LRIG1: variants seen among roughly 807,000 people sequenced by gnomAD.
The protein encoded by LRIG1 is leucine-rich repeats and immunoglobulin-like domains protein 1.
LRIG1 carries 48 observed loss-of-function variants against 99.2 expected under a neutral mutation model. The observed-to-expected ratio is 0.48, with a 90% CI of 0.38 to 0.62. The LOEUF (loss-of-function observed/expected upper bound fraction) is 0.62. Ranked by LOEUF, LRIG1 falls within the 20% of genes least tolerant of loss-of-function variation. The pLI is 0.00. For missense variants in LRIG1, 1,646 were observed against 1,434.4 expected, an observed-to-expected ratio of 1.15 and a Z score of -2.38; for synonymous variants, 772 against 596.1, an observed-to-expected ratio of 1.29 and a Z score of -4.30.
chr3:66,428,472 A>G (rs564091218), intron 3 of LRIG1, among the ~76,000 whole-genome samples: 9 of 152,226 alleles, frequency 5.9e-5, no homozygotes, highest in African/African-American at 1.9e-4. Context: ...GGGCCTAATG[A>G]TCACAAAAAA....
intron 9 of LRIG1, among the ~76,000 whole-genome samples, chr3:66,399,812 A>G (rs1701991259): frequency 6.6e-6 from 1 of 152,198 alleles, no homozygotes; most frequent in South Asian, 2.1e-4. Context: ...CCCACTTCTG[A>G]AAAGTGCATT....
At chr3:66,468,981 T>C (rs932163104) in intron 1 of LRIG1, 2 of 152,252 alleles carry the variant, frequency 1.3e-5, no homozygotes, top group African/African-American at 4.8e-5. Flanking sequence ...TTAGATGTTC[T>C]TACCTTTTTT....
intron 3 of LRIG1, among the ~76,000 whole-genome samples, chr3:66,418,222 G>A (rs895398356): frequency 6.6e-6 from 1 of 152,124 alleles, no homozygotes; most frequent in African/African-American, 2.4e-5. Flanking sequence ...CTCCCAGATC[G>A]CTGGGATTAC....
intron 11 of LRIG1, among the ~76,000 whole-genome samples, chr3:66,397,448 TAA>T (rs386396916): frequency 1.5e-5 from 2 of 131,420 alleles, no homozygotes. Flanking sequence ...CATGTCTAGC[TAA>T]AAAAAAAAAA....
At chr3:66,468,022 T>C (rs1700514633) in intron 1 of LRIG1, among the ~76,000 whole-genome samples, 1 of 152,152 alleles carries the variant, frequency 6.6e-6, no homozygotes. Flanking sequence ...ACTGAAGTTA[T>C]GAGGAAGACA....
rs772672908 is a variant in LRIG1, at chr3:66,378,864, C to T, written c.*1399G>A. 2 of 152,562 alleles carry T rather than the reference C, an allele frequency of 1.3e-5. No homozygotes were observed. The allele number at this position is 152,562 out of a possible 1,614,324, so 9.5% of individuals were successfully genotyped here. On this transcript the variant is annotated 3_prime_UTR_variant, in exon 19 of 19. Coordinates refer to ENST00000273261, the MANE Select transcript of LRIG1 (RefSeq NM_015541.3). ...ATTTGTTAGACACTTCAATATTTTA[C>T]ATGGTTTTCAATGTACACTGTACCA...
chr3:66,413,971 A>C (rs977399251), intron 5 of LRIG1, among the ~76,000 whole-genome samples: 1 of 140,920 alleles, frequency 7.1e-6, no homozygotes, highest in Non-Finnish European at 1.5e-5. Context: ...AGGGCACAGG[A>C]AAAAAAAAAA....
chr3:66,411,624 G>A (rs980718378), intron 6 of LRIG1, among the ~76,000 whole-genome samples: 35 of 152,114 alleles, frequency 2.3e-4, no homozygotes, highest in African/African-American at 8.2e-4. Flanking sequence ...ATGCAGAGAC[G>A]GTTATCAGAG....
At chr3:66,386,594 C>T in intron 12 of LRIG1, 1 of 357,172 alleles carries the variant, frequency 2.8e-6, no homozygotes, top group Non-Finnish European at 5.2e-6. Flanking sequence ...TTCCTTAAGA[C>T]AACTGGCTCT....
intron 3 of LRIG1, among the ~76,000 whole-genome samples, chr3:66,443,769 A>G (rs1017572885): frequency 6.6e-6 from 1 of 152,178 alleles, no homozygotes; most frequent in African/African-American, 2.4e-5. Context: ...GTGCTGGCCA[A>G]CTTCACAGCA....
intron 2 of LRIG1, among the ~76,000 whole-genome samples, chr3:66,461,517 T>C (rs1322579175): frequency 6.6e-6 from 1 of 152,230 alleles, no homozygotes. Context: ...AAGTATCTTA[T>C]GTAAGGATAA....
chr3:66,483,255 G>A (rs1700891959), intron 1 of LRIG1, among the ~76,000 whole-genome samples: 1 of 152,198 alleles, frequency 6.6e-6, no homozygotes, highest in African/African-American at 2.4e-5. Flanking sequence ...GCCCAGAGAG[G>A]AGCTCTGCCA....
At chr3:66,409,249 A>C (rs998462574) in intron 7 of LRIG1, among the ~76,000 whole-genome samples, 16 of 152,232 alleles carry the variant, frequency 1.1e-4, no homozygotes, top group Admixed American at 6.5e-5. Context: ...AAAGAAACAC[A>C]GTAGACTAAA....
At chr3:66,423,219 AT>A (rs1367354892) in intron 3 of LRIG1, among the ~76,000 whole-genome samples, 1 of 152,224 alleles carries the variant, frequency 6.6e-6, no homozygotes, top group Non-Finnish European at 1.5e-5. Context: ...TGAACTCCAC[AT>A]TTTAAAAAAT....
chr3:66,430,491 C>T (rs1324545950), intron 3 of LRIG1, among the ~76,000 whole-genome samples: 1 of 152,214 alleles, frequency 6.6e-6, no homozygotes, highest in East Asian at 1.9e-4. Flanking sequence ...CTTCTAGCCA[C>T]AGCTCGGCCC....
chr3:66,445,076 C>A (rs1040091194), intron 3 of LRIG1, among the ~76,000 whole-genome samples: 10 of 151,986 alleles, frequency 6.6e-5, no homozygotes, highest in Non-Finnish European at 1.3e-4. Flanking sequence ...GAACAAAAGG[C>A]ATTCACTTGA....
chr3:66,401,988 C>T (rs1315228595), intron 9 of LRIG1, among the ~76,000 whole-genome samples: 1 of 152,164 alleles, frequency 6.6e-6, no homozygotes, highest in African/African-American at 2.4e-5. Flanking sequence ...CCCCGCTTCC[C>T]ACCCACACAC....
chr3:66,419,445 G>C (rs1702732210), intron 3 of LRIG1, among the ~76,000 whole-genome samples: 1 of 152,206 alleles, frequency 6.6e-6, no homozygotes, highest in South Asian at 2.1e-4. Flanking sequence ...GTGGAGATGG[G>C]AGACAAGGGT....
chr3:66,461,171 G>A (rs904770520), intron 2 of LRIG1, among the ~76,000 whole-genome samples: 1 of 152,088 alleles, frequency 6.6e-6, no homozygotes, highest in Non-Finnish European at 1.5e-5. Flanking sequence ...TGGATGTGGT[G>A]GCACACACCT....
Sources: gnomAD v4.1 joint callset for allele counts (sites outside exome capture counted in the v4.1 genomes callset) on GRCh38, gnomAD v4.1.1 for gene constraint, MANE v1.5 for transcripts, NCBI Gene and HGNC (gene_info 2026-07-23, HGNC 2026-07-21) for gene names.